Variants in ACSF3 observed in about 807,000 individuals in gnomAD.
ACSF3 encodes the protein acyl-CoA synthetase family member 3.
A neutral mutation model predicts 53.2 loss-of-function variants in ACSF3; 78 were observed. That is an observed-to-expected ratio of 1.47 (90% CI 1.22 to 1.77). The LOEUF (loss-of-function observed/expected upper bound fraction) is 1.77, where lower values mean the gene tolerates loss of function less well. Ranked by LOEUF, ACSF3 falls within the 40% of genes most tolerant of loss-of-function variation. The pLI is 0.00. For missense variants in ACSF3, 937 were observed against 771.1 expected (o/e 1.22, Z -2.55); for synonymous variants, 414 against 333.1 (o/e 1.24, Z -2.65).
intron 4 of ACSF3, among the ~76,000 whole-genome samples, chr16:89,108,736 A>G (rs1290060131): frequency 2.0e-5 from 3 of 152,214 alleles, no homozygotes; most frequent in African/African-American, 7.2e-5. Context: ...CCTGAATAGT[A>G]CTTCATCATA....
At chr16:89,143,054 C>A (rs1481600256) in intron 8 of ACSF3, among the ~76,000 whole-genome samples, 1 of 152,230 alleles carries the variant, frequency 6.6e-6, no homozygotes, top group Non-Finnish European at 1.5e-5. Flanking sequence ...AAGAAAATTG[C>A]TCCATAAACC....
At chr16:89,102,859 C>T (rs1416817017) in intron 4 of ACSF3, 100 bp downstream of exon 4, 13 of 1,520,096 alleles carry the variant, frequency 8.6e-6, no homozygotes, top group African/African-American at 1.4e-5. Context: ...AAGCGCCTTT[C>T]GCTGGTTGGG....
rs67522353 is a variant in ACSF3 at position 89,100,668 on chromosome 16, C to CCCA, written c.-14_-13insCCA. The CCCA allele has an allele frequency of 6.9e-6, 10 of 1,458,098 alleles. No individual in the cohort carries two copies. The East Asian group carries it at 7.3e-5, about 11-fold the overall frequency. 90.3% of individuals were successfully genotyped at this position (1,458,098 alleles called of 1,614,324 possible). A position where few individuals can be genotyped will look rare whatever the true frequency, so the allele number is the denominator to read the frequency against. ...GTGCCTTGCCTTTCTCCAGCTCGGC[C>CCCA]GCCTGTCAGTGCAATGCTGCCCCAT... On this transcript the variant is annotated 5_prime_UTR_variant, in exon 3 of 11. Transcript: ENST00000614302.
intron 7 of ACSF3, among the ~76,000 whole-genome samples, chr16:89,127,923 C>T (rs1908474381): frequency 6.6e-6 from 1 of 152,164 alleles, no homozygotes; most frequent in Non-Finnish European, 1.5e-5. Context: ...TTATGTGGCT[C>T]CCATTCCTCA....
Position 89,105,916 on chromosome 16 carries a change from C to T in ACSF3, c.822+3157C>T, listed in dbSNP as rs1004540201. On this transcript the variant is annotated intron_variant, in intron 4 of 10. Coordinates refer to ENST00000614302, the MANE Select transcript of ACSF3 (RefSeq NM_001243279.3). Reference sequence around the variant, plus strand: ...AGGTGGGTGTGGGTGCTGGCGCAGGCCAGCTGTCAAGGATCTGGGCTTTCT... The same window carrying T: ...AGGTGGGTGTGGGTGCTGGCGCAGGTCAGCTGTCAAGGATCTGGGCTTTCT... Among the ~76,000 whole-genome samples the T allele has an allele frequency of 9.8e-5, 15 of 152,364 alleles. No homozygotes were observed. In the East Asian group the frequency reaches 2.5e-3, roughly 25 times the overall value.
At chr16:89,103,694 C>T (rs1019672185) in intron 4 of ACSF3, among the ~76,000 whole-genome samples, 1 of 152,216 alleles carries the variant, frequency 6.6e-6, no homozygotes, top group Non-Finnish European at 1.5e-5. Flanking sequence ...AGTACTGGCC[C>T]AGCTGGAGAG....
At chr16:89,145,508 A>C in intron 9 of ACSF3, 107 bp downstream of exon 9, 1 of 1,366,554 alleles carries the variant, frequency 7.3e-7, no homozygotes, top group Non-Finnish European at 1.0e-6. Flanking sequence ...AGCTGCCTGC[A>C]GGGGTCCCTG....
chr16:89,094,012 C>A lies in ACSF3; in HGVS notation c.-194+16C>A, dbSNP rs1424414206. 2 of 158,672 alleles carry A rather than the reference C, an allele frequency of 1.3e-5. No individual in the cohort carries two copies. Among genetic ancestry groups the A allele is most frequent in the African/African-American group, 2.8e-5 (1 of 36,002 alleles). 9.8% of individuals were successfully genotyped at this position (158,672 alleles called of 1,614,324 possible). A position where few individuals can be genotyped will look rare whatever the true frequency, so the allele number is the denominator to read the frequency against. Reference sequence around the variant, plus strand: ...CGTCTCGTAGGTGCGGGCGGCGGGGCCCACGGGACCGCGGCGGGGTCGGCC... The same window carrying A: ...CGTCTCGTAGGTGCGGGCGGCGGGGACCACGGGACCGCGGCGGGGTCGGCC... On this transcript the variant is annotated intron_variant, in intron 1 of 10. Transcript: ENST00000614302.
At chr16:89,094,458 A>G (rs1974375347) in intron 1 of ACSF3, among the ~76,000 whole-genome samples, 1 of 152,112 alleles carries the variant, frequency 6.6e-6, no homozygotes, top group African/African-American at 2.4e-5. Context: ...ATGTAGATCT[A>G]TGAGCAAGCA....
rs1473227356 is a variant in ACSF3, at chr16:89,101,426, T to C, written c.666+79T>C. The C allele has an allele frequency of 2.6e-6, 4 of 1,544,958 alleles. No homozygotes were observed. The Admixed American group carries it at 7.9e-5, about 30-fold the overall frequency. On this transcript the variant is annotated intron_variant, in intron 3 of 10. Transcript: ENST00000614302. ...GGGCTCCGGGCCAGAAGCACATCTT[T>C]TCATTCGCTTTTCTGTGGAGTCATT...
At chr16:89,142,534 C>T (rs570197387) in intron 8 of ACSF3, among the ~76,000 whole-genome samples, 2 of 81,312 alleles carry the variant, frequency 2.5e-5, no homozygotes, top group African/African-American at 6.1e-5. Flanking sequence ...CACCTGCAGA[C>T]ACACCCACAC....
intron 6 of ACSF3, 27 bp downstream of exon 6, chr16:89,114,514 C>T (rs1879663952): frequency 6.2e-7 from 1 of 1,608,304 alleles, no homozygotes; most frequent in South Asian, 1.1e-5. Flanking sequence ...CAGCTGCGTT[C>T]CTCTTCCACT....
At chr16:89,134,441 C>T (rs1406091646) in intron 8 of ACSF3, among the ~76,000 whole-genome samples, 1 of 152,154 alleles carries the variant, frequency 6.6e-6, no homozygotes, top group African/African-American at 2.4e-5. Flanking sequence ...GGATCAGGAG[C>T]ACAGTGGACA....
At chr16:89,116,894 C>T (rs1047169311) in intron 6 of ACSF3, among the ~76,000 whole-genome samples, 2 of 152,200 alleles carry the variant, frequency 1.3e-5, no homozygotes, top group South Asian at 2.1e-4. Context: ...GCTGTTTCTT[C>T]GGTGGCTAAA....
intron 1 of ACSF3, among the ~76,000 whole-genome samples, 166 bp from the exon 2 acceptor site, chr16:89,098,425 C>A (rs1974871872): frequency 6.6e-6 from 1 of 152,214 alleles, no homozygotes; most frequent in African/African-American, 2.4e-5. Context: ...GTCATGGGGT[C>A]ACTGCTGCCC....
Position 89,133,251 on chromosome 16 carries a change from G to A in ACSF3, c.1355G>A (p.Trp452Ter). The A allele has an allele frequency of 6.2e-7, 1 of 1,614,078 alleles. No homozygotes were observed. Among genetic ancestry groups the A allele is most frequent in the Non-Finnish European group, 8.5e-7 (1 of 1,179,966 alleles). The change falls in exon 8 of 11, where the codon TGG becomes TAG. Residue 452 changes from tryptophan (W) to a stop codon, truncating the protein, a stop_gained. Transcript: ENST00000614302. LOFTEE classifies it high-confidence loss of function. ...AAGAGTGCATTCACCCTGGATGGCTGGTTTAAGACAGGTAGGACCCAGCCC... is the reference window on the plus strand; with the variant it reads ...AAGAGTGCATTCACCCTGGATGGCTAGTTTAAGACAGGTAGGACCCAGCCC... ...ETKSAFTLDG[W>*]FKTGDTVVFK...
chr16:89,114,686 C>G (rs1904764613), intron 6 of ACSF3, 199 bp downstream of exon 6: 2 of 760,650 alleles, frequency 2.6e-6, no homozygotes, highest in African/African-American at 1.7e-5. Context: ...TCTCCCAAGT[C>G]TCAGTCGGGT....
Position 89,154,504 on chromosome 16 carries a change from C to A in ACSF3, c.*297C>A. The A allele has an allele frequency of 1.8e-6, 1 of 563,904 alleles. No homozygotes were observed. Among genetic ancestry groups the A allele is most frequent in the Non-Finnish European group, 3.4e-6 (1 of 298,090 alleles). The allele number at this position is 563,904 out of a possible 1,614,324, so 34.9% of individuals were successfully genotyped here. ...CCCACGTGCTGAGGCACCTCCCGCC[C>A]CACAGTGCCCTGCAGTTGCCAGGCT... On this transcript the variant is annotated 3_prime_UTR_variant, in exon 11 of 11. Coordinates refer to ENST00000614302, the MANE Select transcript of ACSF3 (RefSeq NM_001243279.3).
chr16:89,153,474 C>T (rs888729613), intron 10 of ACSF3: 7 of 156,844 alleles, frequency 4.5e-5, no homozygotes, highest in Non-Finnish European at 7.0e-5. Context: ...CGCCCTGGCA[C>T]CACCCACCGA....
Sources: allele counts gnomAD v4.1 joint callset (sites outside exome capture counted in the v4.1 genomes callset), GRCh38; gene constraint gnomAD v4.1.1; transcripts MANE v1.5; gene names NCBI Gene and HGNC (gene_info 2026-07-23, HGNC 2026-07-21).